The following NSRP1 variants were observed in gnomAD, a reference collection of about 807,000 sequenced individuals.
The protein encoded by NSRP1 is coiled-coil domain containing 55.
In NSRP1, 24 loss-of-function variants were observed where a neutral mutation model predicts 54.7. The observed-to-expected ratio is 0.44, with a 90% CI of 0.32 to 0.62. NSRP1 has a LOEUF of 0.62. NSRP1 is among the 20% of genes least tolerant of loss of function. The pLI, the probability that NSRP1 is intolerant of heterozygous loss-of-function variation, is 0.06. For synonymous variants in NSRP1, 210 were observed against 213.8 expected (o/e 0.98, Z 0.15); for missense variants, 596 against 651.2 (o/e 0.92, Z 0.92).
intron 2 of NSRP1, among the ~76,000 whole-genome samples, chr17:30,168,392 C>T: frequency 6.6e-6 from 1 of 151,754 alleles, no homozygotes; most frequent in Non-Finnish European, 1.5e-5. Flanking sequence ...AAAAATTAAA[C>T]ACAAGCAACA....
At chr17:30,152,311 G>A (rs2071919286) in intron 2 of NSRP1, among the ~76,000 whole-genome samples, 1 of 151,560 alleles carries the variant, frequency 6.6e-6, no homozygotes, top group African/African-American at 2.4e-5. Context: ...GTAGAGACAG[G>A]GTTTCATTCT....
In NSRP1 at chr17:30,145,295, C is replaced by A. The variant is rs74837084; in HGVS notation, c.114+27122C>A. 9.3e-3 allele frequency among the ~76,000 whole-genome samples: 1,348 copies of A among 144,874 alleles called. 22 individuals are homozygous for A. Among genetic ancestry groups the A allele is most frequent in the African/African-American group, 0.033 (1,290 of 38,974 alleles). The stretch of plus-strand genomic sequence containing the variant: ...CATAGGGTATGTATATAAATTATTG[C>A]ACTAAGGCCGGGCGCAGTGGCTCAC... On this transcript the variant is annotated intron_variant, in intron 2 of 6. Coordinates refer to ENST00000247026, the MANE Select transcript of NSRP1 (RefSeq NM_032141.4).
chr17:30,117,039 G>A (rs1434422694), intron 1 of NSRP1, 176 bp downstream of exon 1: 4 of 879,288 alleles, frequency 4.5e-6, no homozygotes, highest in Non-Finnish European at 7.6e-6. Flanking sequence ...ACATTTTCCC[G>A]GATGGAAGCC....
At chr17:30,177,072 A>G (rs1905150876) in intron 3 of NSRP1, among the ~76,000 whole-genome samples, 1 of 152,102 alleles carries the variant, frequency 6.6e-6, no homozygotes, top group African/African-American at 2.4e-5. Flanking sequence ...GTAAAACAGG[A>G]AGTAAAAACG....
chr17:30,145,494 A>T (rs2071846053), intron 2 of NSRP1, among the ~76,000 whole-genome samples: 1 of 152,152 alleles, frequency 6.6e-6, no homozygotes, highest in African/African-American at 2.4e-5. Flanking sequence ...GAGGCAGGAG[A>T]ATCGCTTGAA....
intron 2 of NSRP1, among the ~76,000 whole-genome samples, chr17:30,146,766 A>G (rs549904937): frequency 6.6e-6 from 1 of 152,070 alleles, no homozygotes; most frequent in African/African-American, 2.4e-5. Flanking sequence ...CACCATGCCC[A>G]GCTAATTTTT....
At chr17:30,138,917 T>G (rs938944398) in intron 2 of NSRP1, among the ~76,000 whole-genome samples, 6 of 130,718 alleles carry the variant, frequency 4.6e-5, no homozygotes, top group African/African-American at 1.1e-4. Flanking sequence ...GCGTTTTTTT[T>G]TTTTTTTTTT....
At chr17:30,124,536 A>G (rs1186390960) in intron 2 of NSRP1, among the ~76,000 whole-genome samples, 2 of 152,202 alleles carry the variant, frequency 1.3e-5, no homozygotes, top group Non-Finnish European at 2.9e-5. Context: ...AACATAGGTG[A>G]TGGAAGACTT....
intron 2 of NSRP1, among the ~76,000 whole-genome samples, chr17:30,155,507 G>C (rs1415042757): frequency 6.6e-6 from 1 of 152,064 alleles, no homozygotes; most frequent in African/African-American, 2.4e-5. Context: ...TGGGTCTTCT[G>C]TTACATAAAT....
intron 2 of NSRP1, among the ~76,000 whole-genome samples, chr17:30,164,390 A>G (rs1291225721): frequency 6.6e-6 from 1 of 152,144 alleles, no homozygotes; most frequent in Non-Finnish European, 1.5e-5. Flanking sequence ...GAACAGTTCT[A>G]ATGTTTGCAT....
Position 30,175,200 on chromosome 17 carries a change from C to G in NSRP1, c.171+2602C>G, listed in dbSNP as rs561154938. On this transcript the variant is annotated intron_variant, in intron 3 of 6. Transcript: ENST00000247026. Reference sequence around the variant, plus strand: ...TATATGCATTTAAGGCTATATGTTTCCCTCTAAGTACTTCTGTAGCTGTAT... The same window carrying G: ...TATATGCATTTAAGGCTATATGTTTGCCTCTAAGTACTTCTGTAGCTGTAT... 6.6e-4 allele frequency among the ~76,000 whole-genome samples: 100 copies of G among 152,232 alleles called. 3 individuals carry two copies. In the South Asian group the frequency reaches 0.02, roughly 31 times the overall value.
At chr17:30,139,446 A>G (rs1362610560) in intron 2 of NSRP1, among the ~76,000 whole-genome samples, 2 of 152,122 alleles carry the variant, frequency 1.3e-5, no homozygotes, top group African/African-American at 4.8e-5. Context: ...AATCATTACC[A>G]GATCCAGTTT....
At chr17:30,137,756 A>G (rs2071762847) in intron 2 of NSRP1, among the ~76,000 whole-genome samples, 1 of 152,204 alleles carries the variant, frequency 6.6e-6, no homozygotes, top group Non-Finnish European at 1.5e-5. Flanking sequence ...TCAAAAGTGA[A>G]ACCACTCTTT....
chr17:30,132,896 C>G (rs559328823), intron 2 of NSRP1, among the ~76,000 whole-genome samples: 1 of 152,338 alleles, frequency 6.6e-6, no homozygotes, highest in Admixed American at 6.5e-5. Flanking sequence ...TTGCCCACAT[C>G]TGTCAGAGGA....
intron 2 of NSRP1, among the ~76,000 whole-genome samples, chr17:30,166,126 G>T (rs976067014): frequency 6.6e-6 from 1 of 152,080 alleles, no homozygotes; most frequent in African/African-American, 2.4e-5. Context: ...TTGTGAGGTA[G>T]GTACTAATAT....
At chr17:30,151,060 A>G (rs914371988) in intron 2 of NSRP1, among the ~76,000 whole-genome samples, 6 of 152,170 alleles carry the variant, frequency 3.9e-5, no homozygotes, top group African/African-American at 9.6e-5. Flanking sequence ...TGGTATTTCA[A>G]TGTGGTTTTG....
chr17:30,128,323 A>G (rs935259924), intron 2 of NSRP1: 7 of 151,906 alleles, frequency 4.6e-5, no homozygotes, highest in African/African-American at 1.7e-4. Context: ...AAATATAGAA[A>G]AAATAGAAAT....
At chr17:30,179,993 C>A (rs936831394) in intron 5 of NSRP1, among the ~76,000 whole-genome samples, 1 of 151,946 alleles carries the variant, frequency 6.6e-6, no homozygotes, top group Non-Finnish European at 1.5e-5. Context: ...CATACCACCA[C>A]GTCTGGTTAC....
Position 30,117,911 on chromosome 17 carries a change from C to T in NSRP1, c.21-169C>T, listed in dbSNP as rs577420450. ...TTAGAGTAGTAATTATAGAATCTTACGGCATGTTAGAATTTTGAGATCACT... is the reference window on the plus strand; with the variant it reads ...TTAGAGTAGTAATTATAGAATCTTATGGCATGTTAGAATTTTGAGATCACT... On this transcript the variant is annotated intron_variant, in intron 1 of 6. Coordinates refer to ENST00000247026, the MANE Select transcript of NSRP1 (RefSeq NM_032141.4). The T allele has an allele frequency of 1.3e-4, 73 of 552,930 alleles. 1 individual carries two copies. Among genetic ancestry groups the T allele is most frequent in the African/African-American group, 1.2e-3 (66 of 53,302 alleles). 34.3% of individuals were successfully genotyped at this position (552,930 alleles called of 1,614,324 possible). A position where few individuals can be genotyped will look rare whatever the true frequency, so the allele number is the denominator to read the frequency against.
Sources: allele counts gnomAD v4.1 joint callset (sites outside exome capture counted in the v4.1 genomes callset), GRCh38; gene constraint gnomAD v4.1.1; transcripts MANE v1.5; gene names NCBI Gene and HGNC (gene_info 2026-07-23, HGNC 2026-07-21).